Variants in SHANK2 observed in about 807,000 individuals in gnomAD.
SHANK2 encodes SH3 and multiple ankyrin repeat domains protein 2.
In SHANK2, 43 loss-of-function variants were observed where a neutral mutation model predicts 133.7. That is an observed-to-expected ratio of 0.32 (90% CI 0.25 to 0.41). The LOEUF (loss-of-function observed/expected upper bound fraction) is 0.41, where lower values mean the gene tolerates loss of function less well. SHANK2 is among the 10% of genes least tolerant of loss of function. SHANK2 has a pLI of 1.00. For synonymous variants in SHANK2, 1,017 were observed against 952.8 expected (o/e 1.07, Z -1.24); for missense variants, 1,994 against 2,235.8 (o/e 0.89, Z 2.18).
intron 2 of SHANK2, among the ~76,000 whole-genome samples, chr11:71,210,827 C>T (rs781867078): frequency 6.6e-6 from 1 of 152,142 alleles, no homozygotes; most frequent in East Asian, 1.9e-4. Flanking sequence ...AGAATGAGCC[C>T]GGAAGCCTCA....
intron 2 of SHANK2, among the ~76,000 whole-genome samples, chr11:71,217,124 G>C (rs995564705): frequency 6.6e-6 from 1 of 151,794 alleles, no homozygotes; most frequent in Non-Finnish European, 1.5e-5. Flanking sequence ...TTGAACCCGG[G>C]GGGTAGAAGA....
intron 17 of SHANK2, among the ~76,000 whole-genome samples, chr11:70,570,122 C>T (rs2060027301): frequency 6.6e-6 from 1 of 152,198 alleles, no homozygotes; most frequent in Non-Finnish European, 1.5e-5. Context: ...GGCAGCTTCA[C>T]AAGGCTTGAC....
chr11:70,522,327 T>C (rs550610765), intron 17 of SHANK2, among the ~76,000 whole-genome samples: 15 of 152,348 alleles, frequency 9.8e-5, no homozygotes, highest in African/African-American at 3.6e-4. Context: ...GCAGTGTCCC[T>C]CTTTTGCTGG....
rs535171759 is a variant in SHANK2, at chr11:70,753,182, A to C, written c.1777+45261T>G. 4.5e-4 allele frequency among the ~76,000 whole-genome samples: 68 copies of C among 151,994 alleles called. 1 individual carries two copies. The South Asian group carries it at 8.3e-3, about 19-fold the overall frequency. Reference sequence around the variant, plus strand: ...AAACCAACAGAACTGTTAAAAAAAAAAAAACAAAAAACAAACAAAAAAAAA... The same window carrying C: ...AAACCAACAGAACTGTTAAAAAAAACAAAACAAAAAACAAACAAAAAAAAA... On this transcript the variant is annotated intron_variant, in intron 14 of 25. Transcript: ENST00000601538.
rs560349669 is a variant in SHANK2, at chr11:70,473,622, G to C, written c.4980-183C>G. 2 of 699,092 alleles carry C rather than the reference G, an allele frequency of 2.9e-6. No individual in the cohort carries two copies. Among genetic ancestry groups the C allele is most frequent in the South Asian group, 3.1e-5 (2 of 63,596 alleles). 43.3% of individuals were successfully genotyped at this position (699,092 alleles called of 1,614,324 possible). A position where few individuals can be genotyped will look rare whatever the true frequency, so the allele number is the denominator to read the frequency against. ...GTGGGGGAGGGGGAGAAAGGGGCCAGAGCAAAGTTGGAGACACCAGAGCAC... is the reference window on the plus strand; with the variant it reads ...GTGGGGGAGGGGGAGAAAGGGGCCACAGCAAAGTTGGAGACACCAGAGCAC... On this transcript the variant is annotated intron_variant, in intron 25 of 25. Transcript: ENST00000601538. This position sits in a 1 kb window ranked among gnomAD's most constrained non-coding sequence, Gnocchi z 5.9.
intron 17 of SHANK2, among the ~76,000 whole-genome samples, chr11:70,597,426 C>T (rs2060415837): frequency 6.6e-6 from 1 of 152,070 alleles, no homozygotes; most frequent in African/African-American, 2.4e-5. Context: ...AGGGAAAGCC[C>T]CCTGAGAGGC....
At chr11:70,614,485 A>T (rs1480056026) in intron 17 of SHANK2, among the ~76,000 whole-genome samples, 2 of 151,798 alleles carry the variant, frequency 1.3e-5, no homozygotes, top group African/African-American at 4.8e-5. Context: ...CTAATTTTGC[A>T]TTTTTTAAGT....
At chr11:70,658,828 G>A (rs1045882770) in intron 17 of SHANK2, among the ~76,000 whole-genome samples, 1 of 152,130 alleles carries the variant, frequency 6.6e-6, no homozygotes, top group African/African-American at 2.4e-5. Context: ...CCAATGGCAG[G>A]GACCACCAAA....
chr11:70,808,840 A>G (rs782374775), intron 12 of SHANK2, among the ~76,000 whole-genome samples: 7 of 152,182 alleles, frequency 4.6e-5, no homozygotes, highest in Non-Finnish European at 1.5e-5. Flanking sequence ...AGCGTCAGTC[A>G]CACTGGACGA....
intron 10 of SHANK2, among the ~76,000 whole-genome samples, chr11:70,896,959 T>C (rs781886780): frequency 3.9e-5 from 6 of 152,172 alleles, no homozygotes. Flanking sequence ...CCTGTTTATC[T>C]GATTAGATGC....
chr11:70,616,634 A>G (rs528755008), intron 17 of SHANK2, among the ~76,000 whole-genome samples: 6 of 152,180 alleles, frequency 3.9e-5, no homozygotes, highest in Admixed American at 1.3e-4. Context: ...AGTTCTCCTG[A>G]GGGTTAAAAC....
rs757744042 is a variant in SHANK2 at position 71,199,153 on chromosome 11, C to CTGTA, written c.-13+25540_-13+25543dup. On this transcript the variant is annotated intron_variant, in intron 2 of 25. Coordinates refer to ENST00000601538, the MANE Select transcript of SHANK2 (RefSeq NM_012309.5). ...CAGTCACTTCCCTTACTCACAGGAACTGTAGGCCAGCGTTCTCAGCTCTGC... is the reference window on the plus strand; with the variant it reads ...CAGTCACTTCCCTTACTCACAGGAACTGTATGTAGGCCAGCGTTCTCAGCTCTGC... 5.6e-4 allele frequency among the ~76,000 whole-genome samples: 86 copies of CTGTA among 152,310 alleles called. 1 individual carries two copies. Among genetic ancestry groups the CTGTA allele is most frequent in the Non-Finnish European group, 9.6e-4 (65 of 68,022 alleles).
At chr11:71,169,921 A>G (rs1350705534) in intron 2 of SHANK2, among the ~76,000 whole-genome samples, 1 of 152,222 alleles carries the variant, frequency 6.6e-6, no homozygotes, top group Non-Finnish European at 1.5e-5. Context: ...CATTTAGATT[A>G]AAATTTTGAG....
chr11:70,877,040 T>A (rs1291211630), intron 11 of SHANK2, among the ~76,000 whole-genome samples: 1 of 152,212 alleles, frequency 6.6e-6, no homozygotes, highest in Non-Finnish European at 1.5e-5. Context: ...GGAGTAACTA[T>A]TGCTTCCTGT....
At chr11:71,141,603 T>C (rs58713366) in intron 3 of SHANK2, among the ~76,000 whole-genome samples, 37,717 of 152,026 alleles carry the variant, frequency 0.25, 5,047 homozygotes, top group South Asian at 0.33. Flanking sequence ...ACTGTGAGTC[T>C]ATTAAACCTG....
At chr11:70,837,617 C>A (rs1948839421) in intron 11 of SHANK2, among the ~76,000 whole-genome samples, 2 of 152,136 alleles carry the variant, frequency 1.3e-5, no homozygotes, top group Admixed American at 1.3e-4. Flanking sequence ...CTGTAAACTG[C>A]TGACAAGTGC....
In SHANK2 at chr11:70,500,954, C is replaced by T. The variant is rs2059042011; in HGVS notation, c.2288-364G>A. On this transcript the variant is annotated intron_variant, in intron 20 of 25. Transcript: ENST00000601538. This position sits in a 1 kb window ranked among gnomAD's most constrained non-coding sequence, Gnocchi z 4.5. Reference sequence around the variant, plus strand: ...TGGCGGGGCCAGCCTTTAGAGTGCACCTGTGGCCTTTCCTGCCTCATTCTG... The same window carrying T: ...TGGCGGGGCCAGCCTTTAGAGTGCATCTGTGGCCTTTCCTGCCTCATTCTG... Among the ~76,000 whole-genome samples, 1 of 152,240 alleles carries T rather than the reference C, an allele frequency of 6.6e-6. No individual in the cohort carries two copies. The highest frequency in any genetic ancestry group is 6.5e-5 in the Admixed American group (1 of 15,292).
intron 17 of SHANK2, among the ~76,000 whole-genome samples, chr11:70,514,574 T>C (rs1554969721): frequency 6.6e-6 from 1 of 152,028 alleles, no homozygotes; most frequent in Non-Finnish European, 1.5e-5. Context: ...AATTATAGAA[T>C]AAAGTGAGGC....
chr11:70,599,861 TAAA>T (rs142339159), intron 17 of SHANK2, among the ~76,000 whole-genome samples: 10 of 79,092 alleles, frequency 1.3e-4, no homozygotes, highest in African/African-American at 7.4e-4. Flanking sequence ...AAGAAAGAAA[TAAA>T]AAGAAAGAAA....
Sources: gnomAD v4.1 joint callset for allele counts (sites outside exome capture counted in the v4.1 genomes callset) on GRCh38, gnomAD v4.1.1 for gene constraint, Gnocchi (gnomAD v3.1) non-coding constraint, MANE v1.5 for transcripts, NCBI Gene and HGNC (gene_info 2026-07-23, HGNC 2026-07-21) for gene names.